Variants in XRRA1 observed in about 807,000 individuals in gnomAD.
XRRA1 encodes the protein X-ray radiation resistance associated 1.
In XRRA1, 69 loss-of-function variants were observed where a neutral mutation model predicts 80.2. The ratio of observed to expected loss-of-function variants is 0.86; its 90% confidence interval spans 0.71 to 1.05. The LOEUF is 1.05. Among genes scored for constraint, XRRA1 ranks in the 50% least tolerant of loss-of-function variants. The pLI is 0.00. For synonymous variants in XRRA1, 348 were observed against 389.9 expected (o/e 0.89, Z 1.27); for missense variants, 967 against 976.4 (o/e 0.99, Z 0.13).
chr11:74,890,094 AT>A (rs1209518111), intron 10 of XRRA1, among the ~76,000 whole-genome samples: 2 of 152,216 alleles, frequency 1.3e-5, no homozygotes, highest in Non-Finnish European at 2.9e-5. Flanking sequence ...TCAACAGAAT[AT>A]ACATTCTTCT....
intron 2 of XRRA1, 31 bp downstream of exon 2, chr11:74,944,987 T>A (rs935080893): frequency 1.3e-5 from 2 of 152,534 alleles, no homozygotes; most frequent in Admixed American, 6.5e-5. Context: ...CAGAATATGG[T>A]GACCTGGCTT....
intron 8 of XRRA1, among the ~76,000 whole-genome samples, chr11:74,920,680 T>G (rs1281898070): frequency 6.6e-6 from 1 of 152,252 alleles, no homozygotes; most frequent in East Asian, 1.9e-4. Context: ...GGCAAGTTAC[T>G]TAAATGTCTG....
chr11:74,868,344 G>A (rs568211357), intron 10 of XRRA1, among the ~76,000 whole-genome samples: 4 of 152,246 alleles, frequency 2.6e-5, no homozygotes, highest in African/African-American at 7.2e-5. Context: ...ATTACTATCC[G>A]ACCAGATATG....
chr11:74,879,851 G>A (rs1301049052), intron 10 of XRRA1, among the ~76,000 whole-genome samples: 1 of 151,696 alleles, frequency 6.6e-6, no homozygotes, highest in Non-Finnish European at 1.5e-5. Context: ...TTGATGTGCT[G>A]CTGGATTCGT....
At chr11:74,915,150 A>G (rs540646622) in intron 8 of XRRA1, among the ~76,000 whole-genome samples, 1 of 152,362 alleles carries the variant, frequency 6.6e-6, no homozygotes, top group Admixed American at 6.5e-5. Context: ...AGAGCAATGT[A>G]TCTGATTGGC....
chr11:74,890,369 A>G (rs1300259912), intron 10 of XRRA1, among the ~76,000 whole-genome samples: 5 of 152,224 alleles, frequency 3.3e-5, no homozygotes, highest in Admixed American at 3.3e-4. Context: ...CAAAGACACA[A>G]CATACCAGAA....
At chr11:74,855,890 T>C (rs1024948516) in intron 12 of XRRA1, among the ~76,000 whole-genome samples, 1 of 152,164 alleles carries the variant, frequency 6.6e-6, no homozygotes, top group Non-Finnish European at 1.5e-5. Flanking sequence ...ATCCTAGCAC[T>C]TTGGGAAGCT....
rs777666907 is a variant in XRRA1, at chr11:74,843,359, G to T, written c.2244C>A (p.Tyr748Ter). Residue 748 changes from tyrosine (Y) to a stop codon, truncating the protein, a stop_gained, in exon 19 of 19, where the codon TAC becomes TAA. Coordinates refer to ENST00000684022, the MANE Select transcript of XRRA1 (RefSeq NM_001378157.1). LOFTEE classifies it low-confidence loss of function (END_TRUNC). ...KRLLKEFQARYRQLVSGSLRT... is the reference protein window; with the variant it reads ...KRLLKEFQAR ...GCAGAGAGCCACTCACCAGCTGCCG[G>T]TAACGTGCCTGGAACTCCTTCAACA... is the stretch of plus-strand genomic sequence containing the variant. The T allele has an allele frequency of 6.2e-7, 1 of 1,611,610 alleles. No individual in the cohort carries two copies. The highest frequency in any genetic ancestry group is 8.5e-7 in the Non-Finnish European group (1 of 1,178,926).
chr11:74,932,650 T>C (rs918017337), intron 5 of XRRA1, among the ~76,000 whole-genome samples: 3 of 152,190 alleles, frequency 2.0e-5, no homozygotes, highest in Admixed American at 1.3e-4. Context: ...AAAAGGTGAA[T>C]TGATAAAGAG....
chr11:74,948,639 A>G (rs936995999), intron 1 of XRRA1, among the ~76,000 whole-genome samples: 12 of 152,112 alleles, frequency 7.9e-5, no homozygotes, highest in African/African-American at 2.9e-4. Flanking sequence ...TAGGTTCTTT[A>G]GTTTCCTCCT....
chr11:74,882,766 G>A (rs1307992422), intron 10 of XRRA1, among the ~76,000 whole-genome samples: 1 of 152,206 alleles, frequency 6.6e-6, no homozygotes. Flanking sequence ...GGAGTACCCT[G>A]CCGTGTGAGG....
At chr11:74,891,307 TG>T (rs1334311542) in intron 10 of XRRA1, among the ~76,000 whole-genome samples, 1 of 152,148 alleles carries the variant, frequency 6.6e-6, no homozygotes, top group African/African-American at 2.4e-5. Flanking sequence ...AAAAACCATA[TG>T]ATTATCTCAA....
rs541033806 is a variant in XRRA1 at position 74,930,940 on chromosome 11, G to A, written c.352-568C>T. 1.5e-3 allele frequency among the ~76,000 whole-genome samples: 227 copies of A among 151,922 alleles called. 1 individual carries two copies. The highest frequency in any genetic ancestry group is 1.8e-3 in the Non-Finnish European group (123 of 67,948). On this transcript the variant is annotated intron_variant, in intron 5 of 18. Transcript: ENST00000684022. ...CCACCTCAGCCTCTTGAGTATCTAG[G>A]ACTGCAGGCACACGCCACCAAGACT... is the stretch of plus-strand genomic sequence containing the variant.
intron 10 of XRRA1, among the ~76,000 whole-genome samples, chr11:74,898,127 A>G (rs1400858378): frequency 6.6e-6 from 1 of 152,220 alleles, no homozygotes; most frequent in East Asian, 1.9e-4. Flanking sequence ...GGACAAAGTT[A>G]AAGTGTTGAG....
intron 10 of XRRA1, among the ~76,000 whole-genome samples, chr11:74,882,942 C>T (rs1169257466): frequency 6.6e-6 from 1 of 152,232 alleles, no homozygotes; most frequent in African/African-American, 2.4e-5. Flanking sequence ...TTTAAGTCTG[C>T]AGAGGTTACT....
At chr11:74,947,084 G>T (rs780070572) in intron 1 of XRRA1, among the ~76,000 whole-genome samples, 2 of 152,176 alleles carry the variant, frequency 1.3e-5, no homozygotes, top group Non-Finnish European at 2.9e-5. Context: ...CTGGCCTACT[G>T]AAGGAAGAGT....
chr11:74,871,640 C>A (rs2044801233), intron 10 of XRRA1, among the ~76,000 whole-genome samples: 1 of 152,020 alleles, frequency 6.6e-6, no homozygotes, highest in Non-Finnish European at 1.5e-5. Flanking sequence ...TATTTAGGGC[C>A]CCCTCCAACT....
intron 14 of XRRA1, among the ~76,000 whole-genome samples, chr11:74,849,533 G>C (rs1029715367): frequency 1.3e-5 from 2 of 152,200 alleles, no homozygotes; most frequent in Non-Finnish European, 2.9e-5. Context: ...CCGCACCTCA[G>C]CATCTAAAAC....
At chr11:74,897,988 G>A (rs1317220467) in intron 10 of XRRA1, among the ~76,000 whole-genome samples, 1 of 152,168 alleles carries the variant, frequency 6.6e-6, no homozygotes, top group African/African-American at 2.4e-5. Flanking sequence ...TAGTGGTCAT[G>A]TGTAAACTTC....
Sources: allele counts gnomAD v4.1 joint callset (sites outside exome capture counted in the v4.1 genomes callset), GRCh38; gene constraint gnomAD v4.1.1; transcripts MANE v1.5; gene names NCBI Gene and HGNC (gene_info 2026-07-23, HGNC 2026-07-21).